ADGRL3: variants seen among roughly 807,000 people sequenced by gnomAD.
ADGRL3 encodes adhesion G protein-coupled receptor L3, also known as calcium-independent alpha-latrotoxin receptor 3.
ADGRL3 carries 62 observed loss-of-function variants against 153.5 expected under a neutral mutation model. The observed-to-expected ratio is 0.40, with a 90% CI of 0.33 to 0.50. The LOEUF (loss-of-function observed/expected upper bound fraction) is 0.50, where lower values mean the gene tolerates loss of function less well. Among genes scored for constraint, ADGRL3 ranks in the 20% least tolerant of loss-of-function variants. The pLI is 0.47. For synonymous variants in ADGRL3, 710 were observed against 672.5 expected (o/e 1.06, Z -0.86); for missense variants, 1,641 against 1,859.4 (o/e 0.88, Z 2.16).
intron 9 of ADGRL3, among the ~76,000 whole-genome samples, chr4:61,827,422 A>G (rs1348613656): frequency 6.6e-6 from 1 of 152,198 alleles, no homozygotes; most frequent in Non-Finnish European, 1.5e-5. Context: ...GACAAAAGAA[A>G]TTATAGCCTA....
intron 1 of ADGRL3, among the ~76,000 whole-genome samples, chr4:61,281,850 G>T (rs972841644): frequency 1.3e-5 from 2 of 152,074 alleles, no homozygotes; most frequent in Non-Finnish European, 2.9e-5. Flanking sequence ...TTTAAAAATA[G>T]TTTTTAAAGT....
At chr4:61,582,933 A>G (rs894011138) in intron 4 of ADGRL3, among the ~76,000 whole-genome samples, 1 of 152,026 alleles carries the variant, frequency 6.6e-6, no homozygotes, top group Non-Finnish European at 1.5e-5. Context: ...GCTACTTTAT[A>G]TATTAACATG....
chr4:61,629,378 C>T (rs897105398), intron 5 of ADGRL3, among the ~76,000 whole-genome samples: 1 of 151,830 alleles, frequency 6.6e-6, no homozygotes, highest in Non-Finnish European at 1.5e-5. Context: ...GGGCCATCAA[C>T]TATTAGTATC....
At chr4:61,555,443 G>A (rs1454976481) in intron 4 of ADGRL3, among the ~76,000 whole-genome samples, 1 of 152,116 alleles carries the variant, frequency 6.6e-6, no homozygotes, top group Non-Finnish European at 1.5e-5. Flanking sequence ...AGCCAGAATT[G>A]TATTCATTCT....
At chr4:61,789,693 A>G (rs2097319066) in intron 8 of ADGRL3, among the ~76,000 whole-genome samples, 1 of 152,176 alleles carries the variant, frequency 6.6e-6, no homozygotes, top group Non-Finnish European at 1.5e-5. Flanking sequence ...ACAATTTTTA[A>G]GGAATGAAAT....
At chr4:61,293,931 G>A (rs980061279) in intron 1 of ADGRL3, among the ~76,000 whole-genome samples, 2 of 152,048 alleles carry the variant, frequency 1.3e-5, no homozygotes, top group South Asian at 4.2e-4. Context: ...GATAAAATAG[G>A]TAATGAACTT....
intron 8 of ADGRL3, among the ~76,000 whole-genome samples, chr4:61,798,999 GTATATATA>G (rs34782885): frequency 0.11 from 8,477 of 80,678 alleles, 448 homozygotes; most frequent in African/African-American, 0.13. Context: ...TATATAAACA[GTATATATA>G]TATATATATA....
intron 1 of ADGRL3, among the ~76,000 whole-genome samples, chr4:61,333,744 G>T (rs2095620373): frequency 1.3e-5 from 2 of 151,436 alleles, no homozygotes; most frequent in African/African-American, 4.9e-5. Context: ...CTCCAGGCAT[G>T]TGCCACCATA....
At chr4:61,793,102 C>T (rs953006903) in intron 8 of ADGRL3, among the ~76,000 whole-genome samples, 1 of 151,996 alleles carries the variant, frequency 6.6e-6, no homozygotes, top group Non-Finnish European at 1.5e-5. Context: ...AGACAGAGAG[C>T]TTGTGCAGGG....
intron 9 of ADGRL3, among the ~76,000 whole-genome samples, chr4:61,888,028 A>T (rs937611729): frequency 3.9e-5 from 6 of 152,168 alleles, no homozygotes; most frequent in Admixed American, 2.0e-4. Context: ...AATTCTAAGA[A>T]AGAAACGAGT....
At chr4:61,219,627 C>A (rs1744450038) in intron 1 of ADGRL3, among the ~76,000 whole-genome samples, 1 of 152,124 alleles carries the variant, frequency 6.6e-6, no homozygotes, top group Admixed American at 6.5e-5. Flanking sequence ...AAATAGTTGA[C>A]TGTATTGTTT....
intron 9 of ADGRL3, among the ~76,000 whole-genome samples, chr4:61,864,256 A>G (rs1177125826): frequency 6.6e-6 from 1 of 152,182 alleles, no homozygotes; most frequent in African/African-American, 2.4e-5. Flanking sequence ...TAGTTCTCAT[A>G]TATCAGTGAA....
intron 8 of ADGRL3, among the ~76,000 whole-genome samples, chr4:61,787,856 T>G (rs1188834103): frequency 6.6e-6 from 1 of 152,070 alleles, no homozygotes; most frequent in African/African-American, 2.4e-5. Context: ...CAGAAAAGGT[T>G]TAAGATGCCT....
At chr4:61,745,205 T>A (rs2096639408) in intron 8 of ADGRL3, among the ~76,000 whole-genome samples, 1 of 152,168 alleles carries the variant, frequency 6.6e-6, no homozygotes, top group Non-Finnish European at 1.5e-5. Context: ...AAAATGGGAC[T>A]ATGTGAAAAG....
chr4:61,359,870 T>C lies in ADGRL3; in HGVS notation c.-239-23254T>C, dbSNP rs535780042. Among the ~76,000 whole-genome samples the C allele has an allele frequency of 2.6e-5, 4 of 152,312 alleles. No homozygotes were observed. In the South Asian group the frequency reaches 8.3e-4, roughly 32 times the overall value. On this transcript the variant is annotated intron_variant, in intron 1 of 26. Transcript: ENST00000683033. ...ATTAATTAAATATTCATTGAATGCATGAATTTTAAATCACATAGTACATAT... is the reference window on the plus strand; with the variant it reads ...ATTAATTAAATATTCATTGAATGCACGAATTTTAAATCACATAGTACATAT...
intron 4 of ADGRL3, among the ~76,000 whole-genome samples, chr4:61,521,076 C>G (rs1309643996): frequency 1.3e-5 from 2 of 152,106 alleles, no homozygotes; most frequent in Non-Finnish European, 1.5e-5. Flanking sequence ...AGGGCCCACA[C>G]AGTAGCAACT....
chr4:61,346,104 A>G (rs1345290015), intron 1 of ADGRL3, among the ~76,000 whole-genome samples: 1 of 152,134 alleles, frequency 6.6e-6, no homozygotes, highest in Admixed American at 6.6e-5. Context: ...TCAAAAGTAT[A>G]GATCCTCTGT....
chr4:61,593,545 A>G (rs2098977780), intron 5 of ADGRL3, among the ~76,000 whole-genome samples: 1 of 151,948 alleles, frequency 6.6e-6, no homozygotes, highest in African/African-American at 2.4e-5. Flanking sequence ...CTTAAAGGAT[A>G]TTTTCACTGG....
intron 11 of ADGRL3, among the ~76,000 whole-genome samples, chr4:61,907,688 G>T (rs1349527384): frequency 6.6e-6 from 1 of 151,648 alleles, no homozygotes; most frequent in Non-Finnish European, 1.5e-5. Flanking sequence ...GGGGAGATGT[G>T]CTGTGCTCCA....
Sources: gnomAD v4.1 joint callset for allele counts (sites outside exome capture counted in the v4.1 genomes callset) on GRCh38, gnomAD v4.1.1 for gene constraint, MANE v1.5 for transcripts, NCBI Gene and HGNC (gene_info 2026-07-23, HGNC 2026-07-21) for gene names.